Variants in DTWD1 observed in about 807,000 individuals in gnomAD.
DTWD1 encodes DTW motif tRNA-uridine aminocarboxypropyltransferase 1, also known as tRNA-uridine aminocarboxypropyltransferase 1.
In DTWD1, 27 loss-of-function variants were observed where a neutral mutation model predicts 30.2. That is an observed-to-expected ratio of 0.90 (90% confidence interval 0.66 to 1.23). The LOEUF (loss-of-function observed/expected upper bound fraction) is 1.23. Ranked by LOEUF, DTWD1 falls within the 50% of genes most tolerant of loss-of-function variation. DTWD1 has a pLI of 0.00. For synonymous variants in DTWD1, 99 were observed against 113.1 expected (o/e 0.88, Z 0.79); for missense variants, 342 against 348.8 (o/e 0.98, Z 0.15).
chr15:49,630,780 G>C (rs908497272), intron 2 of DTWD1: 1 of 170,962 alleles, frequency 5.8e-6, no homozygotes, highest in Admixed American at 6.2e-5. Flanking sequence ...ACACCAAGAG[G>C]TGAGCTGCTG....
rs1246913938 is a variant in DTWD1 at position 49,648,346 on chromosome 15, G to A, written c.*4768G>A. On this transcript the variant is annotated 3_prime_UTR_variant, in exon 5 of 5. Coordinates refer to ENST00000403028, the MANE Select transcript of DTWD1 (RefSeq NM_001144955.2). Reference sequence around the variant, plus strand: ...GACAGAGTCTCACTCTTGTCTCCCAGGCTGCAGTGCAGTGGTGCGATCTCA... The same window carrying A: ...GACAGAGTCTCACTCTTGTCTCCCAAGCTGCAGTGCAGTGGTGCGATCTCA... The A allele has an allele frequency of 6.6e-6, 1 of 152,164 alleles. No homozygotes were observed. Among genetic ancestry groups the A allele is most frequent in the Non-Finnish European group, 1.5e-5 (1 of 68,042 alleles). 9.4% of individuals were successfully genotyped at this position (152,164 alleles called of 1,614,324 possible). A position where few individuals can be genotyped will look rare whatever the true frequency, so the allele number is the denominator to read the frequency against.
At chr15:49,632,638 A>G (rs1307379202) in intron 3 of DTWD1, among the ~76,000 whole-genome samples, 1 of 152,194 alleles carries the variant, frequency 6.6e-6, no homozygotes, top group Non-Finnish European at 1.5e-5. Flanking sequence ...AATTTGATGC[A>G]AACTGGGAAA....
chr15:49,638,056 A>G (rs1413238453), intron 4 of DTWD1, among the ~76,000 whole-genome samples: 2 of 152,236 alleles, frequency 1.3e-5, no homozygotes, highest in African/African-American at 4.8e-5. Flanking sequence ...TGCTCTTTGA[A>G]AGAGAGAAAG....
At chr15:49,626,613 T>C in intron 2 of DTWD1, 2 of 282,334 alleles carry the variant, frequency 7.1e-6, no homozygotes, top group South Asian at 6.7e-5. Flanking sequence ...ACACATGGAC[T>C]CATTAGAACT....
Position 49,655,901 on chromosome 15 carries a change from T to C in DTWD1, c.*12323T>C, listed in dbSNP as rs1248590458. The stretch of plus-strand genomic sequence containing the variant: ...CATCTACATAATTTACCTTCCTCTC[T>C]AGGCCCATCATAAAAATCTTTGAAA... On this transcript the variant is annotated 3_prime_UTR_variant, in exon 5 of 5. Coordinates refer to ENST00000403028, the MANE Select transcript of DTWD1 (RefSeq NM_001144955.2). 1 of 152,120 alleles carries C rather than the reference T, an allele frequency of 6.6e-6. No individual in the cohort carries two copies. Among genetic ancestry groups the C allele is most frequent in the Non-Finnish European group, 1.5e-5 (1 of 68,002 alleles). The allele number at this position is 152,120 out of a possible 1,614,324, so 9.4% of individuals were successfully genotyped here.
Position 49,655,563 on chromosome 15 carries a change from G to A in DTWD1, c.*11985G>A, listed in dbSNP as rs1041809075. 6.6e-6 allele frequency: 1 copy of A among 151,776 alleles called. No individual in the cohort carries two copies. The highest frequency in any genetic ancestry group is 2.4e-5 in the African/African-American group (1 of 41,318). 9.4% of individuals were successfully genotyped at this position (151,776 alleles called of 1,614,324 possible). Reference sequence around the variant, plus strand: ...AACAAAAGCAACTTCTATAAATATTGAGACATTCCCTTTCTACCTTTGGCT... The same window carrying A: ...AACAAAAGCAACTTCTATAAATATTAAGACATTCCCTTTCTACCTTTGGCT... On this transcript the variant is annotated 3_prime_UTR_variant, in exon 5 of 5. Transcript: ENST00000403028.
chr15:49,644,490 T>C lies in DTWD1; in HGVS notation c.*912T>C, dbSNP rs1356218500. On this transcript the variant is annotated 3_prime_UTR_variant, in exon 5 of 5. Transcript: ENST00000403028. ...ACTGTGCTGAATAGCTTCTGTCTGC[T>C]CTTTTCTATTCTGCTCCCTGCTCTG... 6.6e-6 allele frequency: 1 copy of C among 152,236 alleles called. No individual in the cohort carries two copies. Among genetic ancestry groups the C allele is most frequent in the African/African-American group, 2.4e-5 (1 of 41,446 alleles). The allele number at this position is 152,236 out of a possible 1,614,324, so 9.4% of individuals were successfully genotyped here.
chr15:49,648,254 G>A lies in DTWD1; in HGVS notation c.*4676G>A, dbSNP rs149460370. ...CTGCATATCATCATCATGACATTGAGTTTCTAGCTGGATTGCAGAGATGAG... is the reference window on the plus strand; with the variant it reads ...CTGCATATCATCATCATGACATTGAATTTCTAGCTGGATTGCAGAGATGAG... On this transcript the variant is annotated 3_prime_UTR_variant, in exon 5 of 5. Transcript: ENST00000403028. The A allele has an allele frequency of 8.6e-4, 131 of 152,236 alleles. No individual in the cohort carries two copies. The highest frequency in any genetic ancestry group is 3.0e-3 in the African/African-American group (123 of 41,564). The allele number at this position is 152,236 out of a possible 1,614,324, so 9.4% of individuals were successfully genotyped here.
In DTWD1 at chr15:49,653,590, A is replaced by G. The variant is rs1249557441; in HGVS notation, c.*10012A>G. The G allele has an allele frequency of 6.6e-6, 1 of 152,170 alleles. No individual in the cohort carries two copies. The highest frequency in any genetic ancestry group is 1.5e-5 in the Non-Finnish European group (1 of 68,024). The allele number at this position is 152,170 out of a possible 1,614,324, so 9.4% of individuals were successfully genotyped here. On this transcript the variant is annotated 3_prime_UTR_variant, in exon 5 of 5. Coordinates refer to ENST00000403028, the MANE Select transcript of DTWD1 (RefSeq NM_001144955.2). ...TTACTGGAGGATGGGAAGGCAGTAA[A>G]TAAATTATTGAATTATTGAAATAAA...
intron 1 of DTWD1, among the ~76,000 whole-genome samples, chr15:49,624,050 T>TA (rs35444815): frequency 0.62 from 91,412 of 147,830 alleles, 29,435 homozygotes; most frequent in Non-Finnish European, 0.72. Context: ...CTTACAATCT[T>TA]AAAAAAAAAA....
chr15:49,638,650 C>G (rs2079030505), intron 4 of DTWD1, among the ~76,000 whole-genome samples: 1 of 152,180 alleles, frequency 6.6e-6, no homozygotes, highest in Non-Finnish European at 1.5e-5. Flanking sequence ...TCTGAACAAA[C>G]TGAGTCTATA....
intron 4 of DTWD1, among the ~76,000 whole-genome samples, chr15:49,637,590 C>A (rs564579414): frequency 8.5e-5 from 13 of 152,172 alleles, no homozygotes; most frequent in African/African-American, 2.6e-4. Flanking sequence ...ATTTTTATTT[C>A]TTTTAGAGTG....
chr15:49,621,986 A>G (rs553744207), intron 1 of DTWD1, among the ~76,000 whole-genome samples: 61 of 152,284 alleles, frequency 4.0e-4, no homozygotes, highest in African/African-American at 1.4e-3. Context: ...TCAGCTTACA[A>G]TAATGGAAGA....
chr15:49,634,829 C>T (rs1401481015), intron 4 of DTWD1, 35 bp downstream of exon 4: 29 of 1,523,276 alleles, frequency 1.9e-5, no homozygotes, highest in Non-Finnish European at 2.5e-5. Context: ...CTGCTCCTCC[C>T]TCAGACTTAT....
At position 49,627,458 on chromosome 15, in the gene DTWD1, T is replaced by C. The variant is rs547614516; in HGVS notation, c.264+2027T>C. ...AGTCTAGGGAATGCATTCATAAATATAGTCATATGTCTCCTAATGACAGGG... is the reference window on the plus strand; with the variant it reads ...AGTCTAGGGAATGCATTCATAAATACAGTCATATGTCTCCTAATGACAGGG... On this transcript the variant is annotated intron_variant, in intron 2 of 4. Coordinates refer to ENST00000403028, the MANE Select transcript of DTWD1 (RefSeq NM_001144955.2). Among the ~76,000 whole-genome samples, 11 of 152,322 alleles carry C rather than the reference T, an allele frequency of 7.2e-5. No individual in the cohort carries two copies. In the South Asian group the frequency reaches 1.7e-3, roughly 23 times the overall value.
chr15:49,632,594 T>G (rs919066829), intron 3 of DTWD1, among the ~76,000 whole-genome samples: 4 of 152,194 alleles, frequency 2.6e-5, no homozygotes, highest in African/African-American at 9.6e-5. Context: ...TTTTCTCCTC[T>G]CCTTCTCCTG....
chr15:49,624,847 T>C (rs756329730), intron 1 of DTWD1, among the ~76,000 whole-genome samples: 5 of 152,210 alleles, frequency 3.3e-5, no homozygotes, highest in Non-Finnish European at 7.3e-5. Flanking sequence ...ATTCCTAATA[T>C]CTGGAAAACA....
intron 4 of DTWD1, among the ~76,000 whole-genome samples, chr15:49,640,396 A>C (rs2079052370): frequency 6.6e-6 from 1 of 152,170 alleles, no homozygotes; most frequent in African/African-American, 2.4e-5. Context: ...TATTGCAAAT[A>C]ATGCTACTAC....
chr15:49,639,157 T>A (rs149376468), intron 4 of DTWD1, among the ~76,000 whole-genome samples: 233 of 152,286 alleles, frequency 1.5e-3, no homozygotes, highest in Non-Finnish European at 2.7e-3. Context: ...ATCAAATATA[T>A]GAGGTAAAGG....
Sources: allele counts gnomAD v4.1 joint callset (sites outside exome capture counted in the v4.1 genomes callset), GRCh38; gene constraint gnomAD v4.1.1; transcripts MANE v1.5; gene names NCBI Gene and HGNC (gene_info 2026-07-23, HGNC 2026-07-21).